Variants in SNTG1 observed in about 807,000 individuals in gnomAD.
SNTG1 encodes the protein syntrophin gamma 1.
A neutral mutation model predicts 74.7 loss-of-function variants in SNTG1; 39 were observed. The observed-to-expected ratio is 0.52, with a 90% CI of 0.40 to 0.68. The LOEUF is 0.68. Ranked by LOEUF, SNTG1 falls within the 30% of genes least tolerant of loss-of-function variation. The pLI is 0.00. For missense variants in SNTG1, 685 were observed against 609.5 expected (o/e 1.12, Z -1.30); for synonymous variants, 254 against 217.1 (o/e 1.17, Z -1.49).
intron 1 of SNTG1, among the ~76,000 whole-genome samples, chr8:50,140,692 G>A (rs906581397): frequency 7.2e-5 from 11 of 152,080 alleles, no homozygotes; most frequent in African/African-American, 2.7e-4. Flanking sequence ...GAGACCAAGT[G>A]CCAACCTCAC....
intron 2 of SNTG1, among the ~76,000 whole-genome samples, chr8:50,294,055 G>A (rs556999570): frequency 1.4e-4 from 22 of 152,242 alleles, no homozygotes; most frequent in African/African-American, 5.1e-4. Context: ...AAATGTGGAA[G>A]ATTGAATCAA....
intron 1 of SNTG1, among the ~76,000 whole-genome samples, chr8:49,916,605 T>C (rs1806060093): frequency 6.6e-6 from 1 of 152,218 alleles, no homozygotes; most frequent in Admixed American, 6.5e-5. Context: ...ATTTAGTTTT[T>C]TAAAAGAATA....
At chr8:50,086,907 G>C (rs760923643) in intron 1 of SNTG1, among the ~76,000 whole-genome samples, 35 of 152,118 alleles carry the variant, frequency 2.3e-4, no homozygotes, top group African/African-American at 8.4e-4. Flanking sequence ...GTGAAATAAA[G>C]GTTTTTTAAA....
At chr8:50,729,226 C>A (rs1254547754) in intron 17 of SNTG1, among the ~76,000 whole-genome samples, 1 of 152,184 alleles carries the variant, frequency 6.6e-6, no homozygotes. Flanking sequence ...GAATACATTA[C>A]ATACTACAAC....
rs576928794 is a variant in SNTG1 at position 50,250,750 on chromosome 8, C to A, written c.-28+78115C>A. ...TCACAGCCAAGAATATTATATCCAGCAAAGCTATTCTTCAGAAACAGCAAA... is the reference window on the plus strand; with the variant it reads ...TCACAGCCAAGAATATTATATCCAGAAAAGCTATTCTTCAGAAACAGCAAA... On this transcript the variant is annotated intron_variant, in intron 2 of 18. Transcript: ENST00000642720. Among the ~76,000 whole-genome samples the A allele has an allele frequency of 3.9e-5, 6 of 152,136 alleles. No homozygotes were observed. In the South Asian group the frequency reaches 1.0e-3, roughly 26 times the overall value.
In SNTG1 at chr8:50,170,691, G is replaced by A. The variant is rs551049777; in HGVS notation, c.-102-1870G>A. Among the ~76,000 whole-genome samples the A allele has an allele frequency of 7.9e-5, 12 of 152,306 alleles. No individual in the cohort carries two copies. In the South Asian group the frequency reaches 1.9e-3, roughly 24 times the overall value. ...GATTGATTCTATGCAGTCTCACAATGCTACAATTGTAGTGTCATCCAGGCT... is the reference window on the plus strand; with the variant it reads ...GATTGATTCTATGCAGTCTCACAATACTACAATTGTAGTGTCATCCAGGCT... On this transcript the variant is annotated intron_variant, in intron 1 of 18. Transcript: ENST00000642720.
chr8:50,323,918 G>T (rs56890895), intron 2 of SNTG1, among the ~76,000 whole-genome samples: 1 of 152,132 alleles, frequency 6.6e-6, no homozygotes, highest in Non-Finnish European at 1.5e-5. Flanking sequence ...TGCTTAAATC[G>T]AATACTGGGG....
chr8:50,532,437 G>A (rs2094276535), intron 10 of SNTG1, among the ~76,000 whole-genome samples: 1 of 152,156 alleles, frequency 6.6e-6, no homozygotes, highest in Admixed American at 6.5e-5. Context: ...TATAACATAA[G>A]CAGAAAAAGA....
chr8:50,555,546 A>G (rs2094451086), intron 12 of SNTG1, among the ~76,000 whole-genome samples: 2 of 152,110 alleles, frequency 1.3e-5, no homozygotes, highest in Non-Finnish European at 2.9e-5. Flanking sequence ...TACTTCTCTT[A>G]TTTTTTAATT....
At chr8:50,612,058 A>G (rs2094854299) in intron 13 of SNTG1, among the ~76,000 whole-genome samples, 3 of 152,302 alleles carry the variant, frequency 2.0e-5, no homozygotes, top group South Asian at 2.1e-4. Flanking sequence ...ACACCCGGAC[A>G]AGACCCTGTC....
At chr8:50,541,843 A>G (rs1008184613) in intron 11 of SNTG1, among the ~76,000 whole-genome samples, 12 of 151,770 alleles carry the variant, frequency 7.9e-5, no homozygotes, top group African/African-American at 2.7e-4. Flanking sequence ...GGTCTCGGGT[A>G]ATGAACAATT....
At chr8:50,178,086 C>G (rs2083065414) in intron 2 of SNTG1, among the ~76,000 whole-genome samples, 1 of 152,084 alleles carries the variant, frequency 6.6e-6, no homozygotes, top group Non-Finnish European at 1.5e-5. Context: ...CTGTGGTATA[C>G]TCCGATTTAT....
At chr8:50,379,241 G>A (rs74745594) in intron 2 of SNTG1, among the ~76,000 whole-genome samples, 7,633 of 152,260 alleles carry the variant, frequency 0.05, 256 homozygotes, top group Non-Finnish European at 0.071. Context: ...GCTTGGCCCC[G>A]ACTTTGCTCC....
intron 1 of SNTG1, among the ~76,000 whole-genome samples, chr8:49,942,994 A>G (rs1808837043): frequency 6.6e-6 from 1 of 152,200 alleles, no homozygotes; most frequent in Admixed American, 6.5e-5. Context: ...TTCTCTTCAT[A>G]AGAGATTTGC....
intron 18 of SNTG1, among the ~76,000 whole-genome samples, chr8:50,787,817 A>T (rs1288540716): frequency 1.3e-5 from 2 of 152,082 alleles, no homozygotes; most frequent in South Asian, 2.1e-4. Flanking sequence ...AGACAAAAAA[A>T]TAATGCTTAT....
intron 1 of SNTG1, among the ~76,000 whole-genome samples, chr8:50,104,749 T>G (rs1409404809): frequency 1.3e-5 from 2 of 152,214 alleles, no homozygotes; most frequent in Non-Finnish European, 2.9e-5. Context: ...TCCCACAGAT[T>G]CTGGTATGTT....
intron 17 of SNTG1, among the ~76,000 whole-genome samples, chr8:50,744,260 T>C (rs779938619): frequency 4.3e-4 from 66 of 152,000 alleles, no homozygotes; most frequent in Non-Finnish European, 6.6e-4. Context: ...TCAACACACA[T>C]ACAAAAAGAG....
At chr8:49,917,651 C>T (rs1205682620) in intron 1 of SNTG1, among the ~76,000 whole-genome samples, 1 of 152,118 alleles carries the variant, frequency 6.6e-6, no homozygotes, top group African/African-American at 2.4e-5. Flanking sequence ...GATAAATCCC[C>T]CATGCTTTAT....
chr8:50,651,008 T>G (rs2095142013), intron 13 of SNTG1, among the ~76,000 whole-genome samples: 3 of 152,162 alleles, frequency 2.0e-5, no homozygotes, highest in Admixed American at 2.0e-4. Context: ...GCCTCTCATT[T>G]AAATTTTAAA....
Sources: allele counts gnomAD v4.1 joint callset (sites outside exome capture counted in the v4.1 genomes callset), GRCh38; gene constraint gnomAD v4.1.1; transcripts MANE v1.5; gene names NCBI Gene and HGNC (gene_info 2026-07-23, HGNC 2026-07-21).